The following ARSF variants were observed in gnomAD, a reference collection of about 807,000 sequenced individuals.
ARSF encodes the protein arylsulfatase F.
ARSF carries 33 observed loss-of-function variants against 35.4 expected under a neutral mutation model. The ratio of observed to expected loss-of-function variants is 0.93; its 90% CI spans 0.71 to 1.25. The LOEUF (loss-of-function observed/expected upper bound fraction) is 1.25. Among genes scored for constraint, ARSF ranks in the 50% most tolerant of loss-of-function variants. The pLI is 0.00. For missense variants in ARSF, 501 were observed against 480.2 expected, an observed-to-expected ratio of 1.04 and a Z score of -0.40; for synonymous variants, 222 against 193.1, an observed-to-expected ratio of 1.15 and a Z score of -1.24.
intron 8 of ARSF, among the ~76,000 whole-genome samples, chrX:3,102,829 G>T (rs181501882): frequency 0.29 from 31,609 of 108,693 alleles, 3,812 homozygotes; most frequent in African/African-American, 0.44. Context: ...GGAGAATGGC[G>T]TGAACCCAGG....
intron 3 of ARSF, among the ~76,000 whole-genome samples, chrX:3,075,829 C>T (rs750758455): frequency 8.3e-5 from 9 of 108,541 alleles, no homozygotes; most frequent in African/African-American, 3.0e-4. Context: ...TTCTCTCTCC[C>T]TCTGTCTGTA....
At chrX:3,092,268 C>G (rs769955769) in intron 7 of ARSF, among the ~76,000 whole-genome samples, 2 of 111,426 alleles carry the variant, frequency 1.8e-5, no homozygotes, top group Non-Finnish European at 3.8e-5. Context: ...CCTCCACCAG[C>G]ACTAGTCCTT....
At chrX:3,098,306 T>C (rs1207261048) in intron 7 of ARSF, among the ~76,000 whole-genome samples, 1 of 109,617 alleles carries the variant, frequency 9.1e-6, no homozygotes, top group Non-Finnish European at 1.9e-5. Flanking sequence ...AGAAATAATA[T>C]TGGATGAAGA....
chrX:3,103,325 G>T (rs1483543010), intron 8 of ARSF, among the ~76,000 whole-genome samples: 3 of 111,162 alleles, frequency 2.7e-5, no homozygotes, highest in African/African-American at 9.8e-5. Flanking sequence ...TCTGGGGTGG[G>T]ACTGCCATTT....
At chrX:3,099,388 T>C (rs2090360728) in intron 7 of ARSF, among the ~76,000 whole-genome samples, 1 of 111,674 alleles carries the variant, frequency 9.0e-6, no homozygotes, top group African/African-American at 3.3e-5. Flanking sequence ...GATTTTCTTG[T>C]TGTATCTGTT....
intron 4 of ARSF, among the ~76,000 whole-genome samples, chrX:3,077,028 G>A (rs1163370342): frequency 9.0e-6 from 1 of 110,648 alleles, no homozygotes; most frequent in African/African-American, 3.3e-5. Context: ...CTCGTTGATA[G>A]AGCATGTGTT....
At chrX:3,093,304 G>C in intron 7 of ARSF, among the ~76,000 whole-genome samples, 1 of 111,899 alleles carries the variant, frequency 8.9e-6, no homozygotes, top group South Asian at 3.8e-4. Context: ...ATGCAGGTTT[G>C]TTACCTGGGT....
At chrX:3,087,223 TG>T (rs1169881117) in intron 6 of ARSF, among the ~76,000 whole-genome samples, 5 of 112,166 alleles carry the variant, frequency 4.5e-5, no homozygotes, top group African/African-American at 9.7e-5. Flanking sequence ...ATCTTTGGAA[TG>T]GGGCATTATT....
chrX:3,088,398 G>A (rs951229528), intron 6 of ARSF, among the ~76,000 whole-genome samples: 2 of 111,356 alleles, frequency 1.8e-5, no homozygotes, highest in African/African-American at 6.5e-5. Context: ...AGCTGTCCTG[G>A]CATCTGAGAA....
At chrX:3,103,483 T>A (rs910686120) in intron 8 of ARSF, among the ~76,000 whole-genome samples, 3 of 111,363 alleles carry the variant, frequency 2.7e-5, no homozygotes, top group African/African-American at 9.8e-5. Context: ...AGTAGGTGTA[T>A]ATTTGAGATA....
intron 7 of ARSF, among the ~76,000 whole-genome samples, chrX:3,098,136 T>A (rs1165317460): frequency 2.7e-5 from 3 of 109,145 alleles, no homozygotes; most frequent in African/African-American, 1.0e-4. Flanking sequence ...TTTTTAAATT[T>A]ATTTTTTTAA....
intron 6 of ARSF, among the ~76,000 whole-genome samples, chrX:3,086,318 G>A (rs1343549014): frequency 8.9e-6 from 1 of 112,292 alleles, no homozygotes; most frequent in African/African-American, 3.2e-5. Context: ...TGGTTGAGAT[G>A]TACATTGTTC....
intron 5 of ARSF, among the ~76,000 whole-genome samples, chrX:3,082,400 C>G (rs895173915): frequency 9.0e-6 from 1 of 111,476 alleles, no homozygotes; most frequent in African/African-American, 3.3e-5. Context: ...GTCTATCTAT[C>G]TACCTGTTTG....
intron 4 of ARSF, among the ~76,000 whole-genome samples, chrX:3,079,305 A>C: frequency 9.5e-6 from 1 of 104,771 alleles, no homozygotes; most frequent in Non-Finnish European, 2.0e-5. Flanking sequence ...TTCTTTTGAC[A>C]TTCCCCAGGA....
intron 1 of ARSF, among the ~76,000 whole-genome samples, chrX:3,045,294 A>G (rs926645083): frequency 4.5e-5 from 5 of 111,632 alleles, no homozygotes; most frequent in African/African-American, 9.8e-5. Flanking sequence ...ACGTGGACAC[A>G]CAGAATGAGG....
intron 9 of ARSF, among the ~76,000 whole-genome samples, chrX:3,106,577 C>T (rs774262400): frequency 2.7e-5 from 3 of 111,629 alleles, no homozygotes; most frequent in Non-Finnish European, 5.6e-5. Flanking sequence ...GCGGCTCTCA[C>T]CTGTACAGAA....
intron 7 of ARSF, among the ~76,000 whole-genome samples, chrX:3,092,266 A>G (rs1284775440): frequency 9.0e-6 from 1 of 111,484 alleles, no homozygotes; most frequent in African/African-American, 3.3e-5. Flanking sequence ...TGCCTCCACC[A>G]GCACTAGTCC....
chrX:3,089,868 T>C (rs777561239), intron 7 of ARSF, among the ~76,000 whole-genome samples: 2 of 112,535 alleles, frequency 1.8e-5, no homozygotes, highest in Non-Finnish European at 3.8e-5. Flanking sequence ...CTTTGTCTAC[T>C]TGACTGCGTC....
chrX:3,053,188 A>G (rs1217680215), intron 1 of ARSF, among the ~76,000 whole-genome samples: 1 of 111,194 alleles, frequency 9.0e-6, no homozygotes, highest in Non-Finnish European at 1.9e-5. Context: ...TTGGAAATAC[A>G]CTTTTTCAGA....
Sources: gnomAD v4.1 joint callset for allele counts (sites outside exome capture counted in the v4.1 genomes callset) on GRCh38, gnomAD v4.1.1 for gene constraint, MANE v1.5 for transcripts, NCBI Gene and HGNC (gene_info 2026-07-23, HGNC 2026-07-21) for gene names.